ZNF641: variants seen among roughly 807,000 people sequenced by gnomAD.
ZNF641 encodes the protein zinc finger protein 641.
A neutral mutation model predicts 46.2 loss-of-function variants in ZNF641; 26 were observed. The ratio of observed to expected loss-of-function variants is 0.56; its 90% CI spans 0.41 to 0.78. ZNF641 has a LOEUF of 0.78. Among genes scored for constraint, ZNF641 ranks in the 30% least tolerant of loss-of-function variants. The pLI is 0.00. For missense variants in ZNF641, 469 were observed against 517.8 expected (o/e 0.91, Z 0.91); for synonymous variants, 163 against 187.9 (o/e 0.87, Z 1.09).
intron 3 of ZNF641, 78 bp from the exon 4 acceptor site, chr12:48,345,552 TAGAGGAG>T: frequency 6.4e-7 from 1 of 1,572,076 alleles, no homozygotes; most frequent in Non-Finnish European, 8.7e-7. Context: ...GCTAAGTTAG[TAGAGGAG>T]AGAGGGTGAG....
Position 48,345,341 on chromosome 12 carries a change from T to G in ZNF641, c.406+4A>C. ...TTCTAGTGGCTGGAGAAGGTCATGC[T>G]TACTCAGAGAGACTACTATCCCACA... On this transcript the variant is annotated splice_donor_region_variant and intron_variant, in intron 4 of 5. Coordinates refer to ENST00000547026, the MANE Select transcript of ZNF641 (RefSeq NM_001172681.2). 1 of 1,613,792 alleles carries G rather than the reference T, an allele frequency of 6.2e-7. No homozygotes were observed. Among genetic ancestry groups the G allele is most frequent in the Non-Finnish European group, 8.5e-7 (1 of 1,179,826 alleles).
chr12:48,346,262 A>C (rs1565993615), intron 3 of ZNF641, among the ~76,000 whole-genome samples: 1 of 152,152 alleles, frequency 6.6e-6, no homozygotes, highest in Non-Finnish European at 1.5e-5. Context: ...ATCTGGAGCC[A>C]AGTGACTCAG....
In ZNF641 at chr12:48,340,538, TA is replaced by T; in HGVS notation, c.*2434del. Reference sequence around the variant, plus strand: ...ATCCTTATACCACTGATGCCTCTGGTACCTTAATCCTTAAAATATTTAGTGA... The same window carrying T: ...ATCCTTATACCACTGATGCCTCTGGTCCTTAATCCTTAAAATATTTAGTGA... On this transcript the variant is annotated 3_prime_UTR_variant, in exon 6 of 6. Transcript: ENST00000547026. The T allele has an allele frequency of 2.0e-6, 2 of 985,418 alleles. No homozygotes were observed. Among genetic ancestry groups the T allele is most frequent in the Non-Finnish European group, 2.4e-6 (2 of 829,926 alleles). 61.0% of individuals were successfully genotyped at this position (985,418 alleles called of 1,614,324 possible). A position where few individuals can be genotyped will look rare whatever the true frequency, so the allele number is the denominator to read the frequency against.
Position 48,341,334 on chromosome 12 carries a change from C to A in ZNF641, c.*1639G>T. 1 of 985,390 alleles carries A rather than the reference C, an allele frequency of 1.0e-6. No individual in the cohort carries two copies. Among genetic ancestry groups the A allele is most frequent in the Non-Finnish European group, 1.2e-6 (1 of 829,922 alleles). The allele number at this position is 985,390 out of a possible 1,614,324, so 61.0% of individuals were successfully genotyped here. A position where few individuals can be genotyped will look rare whatever the true frequency, so the allele number is the denominator to read the frequency against. ...TCTTCCTCCCTAACCCCGAACTGCT[C>A]TTACATACAAGATAATTTTTAAATT... On this transcript the variant is annotated 3_prime_UTR_variant, in exon 6 of 6. Transcript: ENST00000547026.
intron 2 of ZNF641, among the ~76,000 whole-genome samples, chr12:48,347,631 G>T (rs1952914679): frequency 6.6e-6 from 1 of 152,200 alleles, no homozygotes; most frequent in African/African-American, 2.4e-5. Context: ...TAATCAGGTT[G>T]CTGTCACTTC....
Position 48,341,452 on chromosome 12 carries a change from T to A in ZNF641, c.*1521A>T. The A allele has an allele frequency of 1.0e-6, 1 of 985,470 alleles. No individual in the cohort carries two copies. Among genetic ancestry groups the A allele is most frequent in the Non-Finnish European group, 1.2e-6 (1 of 829,946 alleles). 61.0% of individuals were successfully genotyped at this position (985,470 alleles called of 1,614,324 possible). A position where few individuals can be genotyped will look rare whatever the true frequency, so the allele number is the denominator to read the frequency against. ...AGAATACTTATGCAAGCCCTAGAGTTAAGGGTCTTAGTGTGGACACCTTTC... is the reference window on the plus strand; with the variant it reads ...AGAATACTTATGCAAGCCCTAGAGTAAAGGGTCTTAGTGTGGACACCTTTC... On this transcript the variant is annotated 3_prime_UTR_variant, in exon 6 of 6. Transcript: ENST00000547026.
chr12:48,343,084 G>A lies in ZNF641; in HGVS notation c.1164C>T (p.Cys388=). ...GGCCAAAGCTCTTCTCACAGCGAGG[G>A]CACTGGAAGGGCTTCTCCCCAGTGT... ...LTHTGEKPFQ[C]PRCEKSFGRK... is the part of the protein sequence containing the mutation. The change falls in exon 6 of 6, where the codon TGC becomes TGT. Residue 388 remains cysteine (C), a synonymous_variant. Coordinates refer to ENST00000547026, the MANE Select transcript of ZNF641 (RefSeq NM_001172681.2). 6.2e-7 allele frequency: 1 copy of A among 1,614,268 alleles called. No homozygotes were observed. The highest frequency in any genetic ancestry group is 8.5e-7 in the Non-Finnish European group (1 of 1,180,048).
At position 48,342,250 on chromosome 12, in the gene ZNF641, G is replaced by A. The variant is rs1269589982; in HGVS notation, c.*723C>T. On this transcript the variant is annotated 3_prime_UTR_variant, in exon 6 of 6. Transcript: ENST00000547026. The stretch of plus-strand genomic sequence containing the variant: ...AGGGAGTAGGAATAATGGGTAAAAA[G>A]GTTATTTTTTCAGCAGGTGAGGGTG... 1.0e-6 allele frequency: 1 copy of A among 985,452 alleles called. No individual in the cohort carries two copies. Among genetic ancestry groups the A allele is most frequent in the Non-Finnish European group, 1.2e-6 (1 of 829,990 alleles). The allele number at this position is 985,452 out of a possible 1,614,324, so 61.0% of individuals were successfully genotyped here.
chr12:48,344,729 A>T lies in ZNF641; in HGVS notation c.407-17T>A, dbSNP rs752035904. 3.4e-6 allele frequency: 5 copies of T among 1,465,768 alleles called. No homozygotes were observed. In the South Asian group the frequency reaches 5.9e-5, roughly 17 times the overall value. 90.8% of individuals were successfully genotyped at this position (1,465,768 alleles called of 1,614,324 possible). Reference sequence around the variant, plus strand: ...TTGGAAATCCTGCTCATGGGAAAGGAAAATAGAGCTGTCAATTAGTTCAAC... The same window carrying T: ...TTGGAAATCCTGCTCATGGGAAAGGTAAATAGAGCTGTCAATTAGTTCAAC... On this transcript the variant is annotated splice_polypyrimidine_tract_variant and intron_variant, in intron 4 of 5. Coordinates refer to ENST00000547026, the MANE Select transcript of ZNF641 (RefSeq NM_001172681.2).
At position 48,342,799 on chromosome 12, in the gene ZNF641, T is replaced by A. The variant is rs938434092; in HGVS notation, c.*174A>T. The A allele has an allele frequency of 7.7e-6, 11 of 1,422,960 alleles. No homozygotes were observed. The African/African-American group carries it at 1.3e-4, about 17-fold the overall frequency. The allele number at this position is 1,422,960 out of a possible 1,614,324, so 88.1% of individuals were successfully genotyped here. On this transcript the variant is annotated 3_prime_UTR_variant, in exon 6 of 6. Transcript: ENST00000547026. ...CCCAAAGAACTCTATTTTTATGTGCTATCTCACAGAACTGGTGAGAAATGC... is the reference window on the plus strand; with the variant it reads ...CCCAAAGAACTCTATTTTTATGTGCAATCTCACAGAACTGGTGAGAAATGC...
chr12:48,347,326 C>T lies in ZNF641; in HGVS notation c.202G>A (p.Val68Ile), dbSNP rs746617484. Residue 68 changes from valine (V) to isoleucine (I), a missense_variant, in exon 3 of 6, where the codon GTT (valine) becomes ATT (isoleucine). Val to Ile is a conservative substitution (Grantham distance 29, BLOSUM62 3). Transcript: ENST00000547026. ...TTCCCCTCCTGGGGAATTGCAGGAA[C>T]CCAGGGAGCAGACTGAGCTGATAAG... ...LQEKAQSAPW[V>I]PAIPQEGNTG... 45 of 1,612,474 alleles carry T rather than the reference C, an allele frequency of 2.8e-5. No homozygotes were observed. Among genetic ancestry groups the T allele is most frequent in the Non-Finnish European group, 3.6e-5 (43 of 1,179,056 alleles).
At position 48,341,349 on chromosome 12, in the gene ZNF641, A is replaced by T. The variant is rs758213957; in HGVS notation, c.*1624T>A. The T allele has an allele frequency of 2.0e-6, 2 of 985,390 alleles. No homozygotes were observed. Among genetic ancestry groups the T allele is most frequent in the Non-Finnish European group, 2.4e-6 (2 of 829,880 alleles). The allele number at this position is 985,390 out of a possible 1,614,324, so 61.0% of individuals were successfully genotyped here. A position where few individuals can be genotyped will look rare whatever the true frequency, so the allele number is the denominator to read the frequency against. On this transcript the variant is annotated 3_prime_UTR_variant, in exon 6 of 6. Coordinates refer to ENST00000547026, the MANE Select transcript of ZNF641 (RefSeq NM_001172681.2). Reference sequence around the variant, plus strand: ...CCGAACTGCTCTTACATACAAGATAATTTTTAAATTATAAGATTGGTATTA... The same window carrying T: ...CCGAACTGCTCTTACATACAAGATATTTTTTAAATTATAAGATTGGTATTA...
downstream of ZNF641, among the ~76,000 whole-genome samples, chr12:48,336,727 A>G (rs1262883226): frequency 2.6e-5 from 4 of 152,160 alleles, no homozygotes; most frequent in African/African-American, 9.7e-5. Context: ...AGTCACACTC[A>G]CTACCGCCAC....
At position 48,339,808 on chromosome 12, in the gene ZNF641, G is replaced by A; in HGVS notation, c.*3165C>T. 1.9e-6 allele frequency: 1 copy of A among 530,452 alleles called. No individual in the cohort carries two copies. Among genetic ancestry groups the A allele is most frequent in the Non-Finnish European group, 2.4e-6 (1 of 413,892 alleles). 32.9% of individuals were successfully genotyped at this position (530,452 alleles called of 1,614,324 possible). A position where few individuals can be genotyped will look rare whatever the true frequency, so the allele number is the denominator to read the frequency against. On this transcript the variant is annotated 3_prime_UTR_variant, in exon 6 of 6. Transcript: ENST00000547026. The stretch of plus-strand genomic sequence containing the variant: ...AAGCCATAACATTACTTTGACAAGG[G>A]AAAAGTTTTTCCTTCCACAATTAGA...
At position 48,339,929 on chromosome 12, in the gene ZNF641, T is replaced by A. The variant is rs760120037; in HGVS notation, c.*3044A>T. 1.0e-6 allele frequency: 1 copy of A among 984,954 alleles called. No homozygotes were observed. Among genetic ancestry groups the A allele is most frequent in the Non-Finnish European group, 1.2e-6 (1 of 829,728 alleles). 61.0% of individuals were successfully genotyped at this position (984,954 alleles called of 1,614,324 possible). ...TTCTTTGAAAGATACTATGTTGGGG[T>A]GGAAAGGGGAGGATACTCAGAATAG... On this transcript the variant is annotated 3_prime_UTR_variant, in exon 6 of 6. Transcript: ENST00000547026.
At position 48,341,227 on chromosome 12, in the gene ZNF641, T is replaced by C; in HGVS notation, c.*1746A>G. ...CACTTCCTCTTGCCTCTCTGGTTCA[T>C]TCCACCAATTGTGGTTGAGAAACAC... On this transcript the variant is annotated 3_prime_UTR_variant, in exon 6 of 6. Coordinates refer to ENST00000547026, the MANE Select transcript of ZNF641 (RefSeq NM_001172681.2). The C allele has an allele frequency of 1.0e-6, 1 of 985,482 alleles. No individual in the cohort carries two copies. Among genetic ancestry groups the C allele is most frequent in the Non-Finnish European group, 1.2e-6 (1 of 829,938 alleles). 61.0% of individuals were successfully genotyped at this position (985,482 alleles called of 1,614,324 possible). A position where few individuals can be genotyped will look rare whatever the true frequency, so the allele number is the denominator to read the frequency against.
rs888547639 is a variant in ZNF641, at chr12:48,350,328, C to A, written c.-26+458G>T. The A allele has an allele frequency of 2.2e-5, 22 of 1,020,074 alleles. No individual in the cohort carries two copies. In the African/African-American group the frequency reaches 2.7e-4, roughly 13 times the overall value. 63.2% of individuals were successfully genotyped at this position (1,020,074 alleles called of 1,614,324 possible). A position where few individuals can be genotyped will look rare whatever the true frequency, so the allele number is the denominator to read the frequency against. ...CGAGTTGGCTCCGTCCATCAGAGAACCCTGGCCCCTGCCACGGGTAGGGCA... is the reference window on the plus strand; with the variant it reads ...CGAGTTGGCTCCGTCCATCAGAGAAACCTGGCCCCTGCCACGGGTAGGGCA... On this transcript the variant is annotated intron_variant, in intron 1 of 5. Transcript: ENST00000547026.
intron 1 of ZNF641, 92 bp from the exon 2 acceptor site, chr12:48,348,207 A>C: frequency 7.8e-7 from 1 of 1,280,478 alleles, no homozygotes; most frequent in South Asian, 1.3e-5. Context: ...GGGATAATAG[A>C]CAAAACTAGA....
chr12:48,340,777 A>G lies in ZNF641; in HGVS notation c.*2196T>C. ...GGTCTGTACCCAAGACAGGTTCTGA[A>G]CCATTGCTTATGCAGAGCTTTTAGT... On this transcript the variant is annotated 3_prime_UTR_variant, in exon 6 of 6. Coordinates refer to ENST00000547026, the MANE Select transcript of ZNF641 (RefSeq NM_001172681.2). 1.0e-6 allele frequency: 1 copy of G among 985,420 alleles called. No homozygotes were observed. Among genetic ancestry groups the G allele is most frequent in the Non-Finnish European group, 1.2e-6 (1 of 829,894 alleles). 61.0% of individuals were successfully genotyped at this position (985,420 alleles called of 1,614,324 possible).
Sources: allele counts gnomAD v4.1 joint callset (sites outside exome capture counted in the v4.1 genomes callset), GRCh38; gene constraint gnomAD v4.1.1; transcripts MANE v1.5; gene names NCBI Gene and HGNC (gene_info 2026-07-23, HGNC 2026-07-21).